The following CLNS1A variants were observed in gnomAD, a reference collection of about 807,000 sequenced individuals.
CLNS1A encodes methylosome subunit pICln.
A neutral mutation model predicts 29.4 loss-of-function variants in CLNS1A; 16 were observed. The observed-to-expected ratio is 0.54, with a 90% CI of 0.37 to 0.83. The LOEUF is 0.83. Among genes scored for constraint, CLNS1A ranks in the 40% least tolerant of loss-of-function variants. CLNS1A has a pLI of 0.00. For synonymous variants in CLNS1A, 96 were observed against 104.8 expected, an observed-to-expected ratio of 0.92 and a Z score of 0.51; for missense variants, 235 against 287.4, an observed-to-expected ratio of 0.82 and a Z score of 1.32.
At chr11:77,636,876 C>G (rs2135782057) in intron 1 of CLNS1A, among the ~76,000 whole-genome samples, 1 of 152,284 alleles carries the variant, frequency 6.6e-6, no homozygotes, top group East Asian at 1.9e-4. Context: ...ACAGGGACCT[C>G]TGTTCTACAA....
intron 1 of CLNS1A, among the ~76,000 whole-genome samples, chr11:77,636,198 G>A (rs1959124053): frequency 6.6e-6 from 1 of 152,044 alleles, no homozygotes; most frequent in Admixed American, 6.6e-5. Flanking sequence ...AGTTTCCTGA[G>A]TAGCTAGGAC....
At chr11:77,621,759 T>A (rs1402249033) in intron 5 of CLNS1A, 4 of 285,820 alleles carry the variant, frequency 1.4e-5, no homozygotes, top group Non-Finnish European at 2.1e-5. Context: ...ATTTTTTAGA[T>A]GAGATTAGCC....
At chr11:77,619,127 T>C (rs1958932229) in intron 6 of CLNS1A, among the ~76,000 whole-genome samples, 1 of 152,188 alleles carries the variant, frequency 6.6e-6, no homozygotes, top group Non-Finnish European at 1.5e-5. Flanking sequence ...TAACATATAG[T>C]TGAAATACTT....
chr11:77,636,943 G>T (rs1959131448), intron 1 of CLNS1A, among the ~76,000 whole-genome samples: 1 of 152,102 alleles, frequency 6.6e-6, no homozygotes, highest in Non-Finnish European at 1.5e-5. Flanking sequence ...GCTCCACGTG[G>T]CCAAATAAAA....
At chr11:77,616,885 C>A (rs186651996) in intron 6 of CLNS1A, among the ~76,000 whole-genome samples, 190 bp from the exon 7 acceptor site, 23 of 152,314 alleles carry the variant, frequency 1.5e-4, no homozygotes, top group African/African-American at 5.3e-4. Context: ...AAGTTATATG[C>A]CTTGTCCAAA....
intron 6 of CLNS1A, among the ~76,000 whole-genome samples, chr11:77,618,347 A>G (rs1958924716): frequency 2.6e-5 from 4 of 152,368 alleles, no homozygotes; most frequent in Non-Finnish European, 5.9e-5. Context: ...CATGAAGTAG[A>G]ACAGTGAAGT....
In CLNS1A at chr11:77,637,739, C is replaced by T; in HGVS notation, c.-25G>A. 1 of 1,548,946 alleles carries T rather than the reference C, an allele frequency of 6.5e-7. No homozygotes were observed. Among genetic ancestry groups the T allele is most frequent in the East Asian group, 2.4e-5 (1 of 41,042 alleles). On this transcript the variant is annotated 5_prime_UTR_variant, in exon 1 of 7. Transcript: ENST00000525428. ...TAGCAGCAGAGTGCGGCAACACAGGCCCTGAGGGAGTTGGAGCACAGCAAT... is the reference window on the plus strand; with the variant it reads ...TAGCAGCAGAGTGCGGCAACACAGGTCCTGAGGGAGTTGGAGCACAGCAAT...
At chr11:77,619,549 G>C in intron 6 of CLNS1A, 57 bp downstream of exon 6, 1 of 1,137,250 alleles carries the variant, frequency 8.8e-7, no homozygotes, top group Non-Finnish European at 1.3e-6. Context: ...AAAGTAGAAA[G>C]TAATCATTTC....
intron 3 of CLNS1A, chr11:77,625,414 C>G: frequency 2.2e-6 from 1 of 453,230 alleles, no homozygotes; most frequent in Non-Finnish European, 3.9e-6. Flanking sequence ...TGCCATAACT[C>G]CTCTGCCATC....
rs1470160509 is a variant in CLNS1A at position 77,615,402 on chromosome 11, G to A, written c.*1316C>T. On this transcript the variant is annotated 3_prime_UTR_variant, in exon 7 of 7. Transcript: ENST00000525428. The stretch of plus-strand genomic sequence containing the variant: ...GGCTGTATGATGTTTTAAAGCACAG[G>A]CTCAAAAATCACAATTCACTATCTA... The A allele has an allele frequency of 1.3e-5, 2 of 152,032 alleles. No individual in the cohort carries two copies. The highest frequency in any genetic ancestry group is 4.1e-4 in the South Asian group (2 of 4,822). 9.4% of individuals were successfully genotyped at this position (152,032 alleles called of 1,614,324 possible).
chr11:77,624,921 C>A, intron 4 of CLNS1A, 42 bp downstream of exon 4: 2 of 1,315,586 alleles, frequency 1.5e-6, no homozygotes, highest in Non-Finnish European at 2.2e-6. Flanking sequence ...AAATGAAACA[C>A]TAAACAAACA....
intron 5 of CLNS1A, among the ~76,000 whole-genome samples, chr11:77,621,034 C>T (rs145417958): frequency 0.011 from 1,633 of 151,230 alleles, 30 homozygotes; most frequent in African/African-American, 0.038. Context: ...CAGTGGCTCA[C>T]GCCTGTAATC....
intron 2 of CLNS1A, among the ~76,000 whole-genome samples, chr11:77,628,615 T>C (rs1165117665): frequency 6.6e-6 from 1 of 152,212 alleles, no homozygotes; most frequent in Non-Finnish European, 1.5e-5. Context: ...GTCCTAAGAA[T>C]TACTAAATAG....
Position 77,616,177 on chromosome 11 carries a change from T to C in CLNS1A, c.*541A>G, listed in dbSNP as rs1316753820. On this transcript the variant is annotated 3_prime_UTR_variant, in exon 7 of 7. Transcript: ENST00000525428. ...AATATAGAAAACCTAGGTTTATTTG[T>C]TAAGCTATTACAAAAACAAAACAAT... The C allele has an allele frequency of 6.6e-6, 1 of 152,238 alleles. No homozygotes were observed. Among genetic ancestry groups the C allele is most frequent in the African/African-American group, 2.4e-5 (1 of 41,466 alleles). 9.4% of individuals were successfully genotyped at this position (152,238 alleles called of 1,614,324 possible). A position where few individuals can be genotyped will look rare whatever the true frequency, so the allele number is the denominator to read the frequency against.
intron 1 of CLNS1A, among the ~76,000 whole-genome samples, chr11:77,635,094 C>G (rs896938848): frequency 3.9e-5 from 6 of 152,172 alleles, no homozygotes; most frequent in African/African-American, 1.2e-4. Context: ...CGTAAGCCAC[C>G]TTGCCCAGGC....
In CLNS1A at chr11:77,622,625, A is replaced by G; in HGVS notation, c.521T>C (p.Leu174Ser). ...IPTFYTYEEG[L>S]SHLTAEGQAT... ...TTGGCCTTCTGCTGTTAGATGGGAT[A>G]ATCCTTCTTCATAGGTGTAAAATGT... Residue 174 changes from leucine (L) to serine (S), a missense_variant, in exon 5 of 7, where the codon TTA becomes TCA. Transcript: ENST00000525428. The G allele has an allele frequency of 6.2e-7, 1 of 1,613,128 alleles. No individual in the cohort carries two copies. The highest frequency in any genetic ancestry group is 1.3e-5 in the African/African-American group (1 of 75,012).
At chr11:77,637,543 A>G in intron 1 of CLNS1A, 47 bp downstream of exon 1, 2 of 1,561,156 alleles carry the variant, frequency 1.3e-6, no homozygotes, top group Non-Finnish European at 1.7e-6. Flanking sequence ...TCCAGCAAGG[A>G]GGAGGGCGGC....
chr11:77,637,500 C>A (rs1175024272), intron 1 of CLNS1A, 90 bp downstream of exon 1: 2 of 1,461,758 alleles, frequency 1.4e-6, no homozygotes, highest in Non-Finnish European at 9.1e-7. Flanking sequence ...GGCCTCCAGG[C>A]CGCCCCTTGC....
intron 2 of CLNS1A, among the ~76,000 whole-genome samples, chr11:77,626,780 C>T (rs1959024266): frequency 6.6e-6 from 1 of 150,858 alleles, no homozygotes; most frequent in Non-Finnish European, 1.5e-5. Flanking sequence ...CAAGCTCTGC[C>T]TCTTGGGTTC....
Sources: allele counts gnomAD v4.1 joint callset (sites outside exome capture counted in the v4.1 genomes callset), GRCh38; gene constraint gnomAD v4.1.1; transcripts MANE v1.5; gene names NCBI Gene and HGNC (gene_info 2026-07-23, HGNC 2026-07-21).